The following COL22A1 variants were observed in gnomAD, a reference collection of about 807,000 sequenced individuals.
The protein encoded by COL22A1 is collagen type XXII alpha 1 chain.
In COL22A1, 221 loss-of-function variants were observed where a neutral mutation model predicts 248.9. That is an observed-to-expected ratio of 0.89 (90% CI 0.80 to 0.99). The LOEUF is 0.99. COL22A1 is among the 50% of genes least tolerant of loss of function. The pLI, the probability that COL22A1 is intolerant of heterozygous loss-of-function variation, is 0.00. For synonymous variants in COL22A1, 891 were observed against 793.4 expected, an observed-to-expected ratio of 1.12 and a Z score of -2.07; for missense variants, 2,240 against 2,179.0, an observed-to-expected ratio of 1.03 and a Z score of -0.56.
At chr8:138,840,165 C>T (rs1297057528) in intron 4 of COL22A1, among the ~76,000 whole-genome samples, 2 of 152,154 alleles carry the variant, frequency 1.3e-5, no homozygotes, top group Non-Finnish European at 2.9e-5. Context: ...TACCCAATGG[C>T]ATTTAAATTG....
intron 3 of COL22A1, among the ~76,000 whole-genome samples, chr8:138,857,412 C>G (rs182693339): frequency 2.0e-5 from 3 of 152,214 alleles, no homozygotes; most frequent in African/African-American, 7.2e-5. Context: ...AACACAGCTT[C>G]GCCTGGACAT....
chr8:138,739,456 C>T (rs1831387341), intron 22 of COL22A1, among the ~76,000 whole-genome samples: 1 of 152,194 alleles, frequency 6.6e-6, no homozygotes, highest in South Asian at 2.1e-4. Flanking sequence ...GAATAGCACT[C>T]CCTCTGTCCC....
At chr8:138,652,482 A>G (rs182902029) in intron 45 of COL22A1, among the ~76,000 whole-genome samples, 28 of 152,310 alleles carry the variant, frequency 1.8e-4, no homozygotes, top group Admixed American at 1.6e-3. Context: ...GACCGTGATC[A>G]TCAATACTAG....
intron 49 of COL22A1, among the ~76,000 whole-genome samples, 194 bp from the exon 50 acceptor site, chr8:138,630,942 G>A (rs867797368): frequency 8.5e-5 from 13 of 152,132 alleles, no homozygotes; most frequent in African/African-American, 3.1e-4. Flanking sequence ...GATCTCTCAC[G>A]AATGGTTTAG....
At chr8:138,816,753 T>C (rs2131727587) in intron 7 of COL22A1, among the ~76,000 whole-genome samples, 1 of 152,290 alleles carries the variant, frequency 6.6e-6, no homozygotes, top group Middle Eastern at 3.4e-3. Flanking sequence ...CAGTGTAGAA[T>C]GTGTAGGATG....
intron 52 of COL22A1, among the ~76,000 whole-genome samples, chr8:138,622,686 C>A (rs972201927): frequency 3.3e-5 from 5 of 152,080 alleles, no homozygotes; most frequent in African/African-American, 1.2e-4. Context: ...AAAGATAGGC[C>A]CACAACTATT....
chr8:138,650,941 T>C (rs1317487259), intron 45 of COL22A1, among the ~76,000 whole-genome samples: 1 of 152,196 alleles, frequency 6.6e-6, no homozygotes, highest in Admixed American at 6.5e-5. Flanking sequence ...GCACTAACTA[T>C]GGTCTTTTGA....
chr8:138,838,368 C>T (rs534574324), intron 4 of COL22A1, among the ~76,000 whole-genome samples: 1 of 152,200 alleles, frequency 6.6e-6, no homozygotes, highest in Admixed American at 6.5e-5. Context: ...AGCCTAAGAG[C>T]TGGTCCAGAA....
intron 56 of COL22A1, among the ~76,000 whole-genome samples, chr8:138,611,449 G>C (rs1479716994): frequency 6.6e-6 from 1 of 152,182 alleles, no homozygotes; most frequent in African/African-American, 2.4e-5. Flanking sequence ...AGGGAGCTGG[G>C]GGGGACCCAG....
chr8:138,609,940 G>T (rs1251756872), intron 56 of COL22A1, among the ~76,000 whole-genome samples: 1 of 152,132 alleles, frequency 6.6e-6, no homozygotes, highest in African/African-American at 2.4e-5. Context: ...TCCCAGGAAT[G>T]GAAACCACAG....
intron 16 of COL22A1, among the ~76,000 whole-genome samples, chr8:138,772,992 C>T (rs543627584): frequency 8.5e-5 from 13 of 152,380 alleles, no homozygotes; most frequent in South Asian, 4.1e-4. Flanking sequence ...CCCGGCGCCG[C>T]GTGTGGCCTA....
chr8:138,695,506 C>A (rs978624792), intron 32 of COL22A1, among the ~76,000 whole-genome samples: 1 of 152,062 alleles, frequency 6.6e-6, no homozygotes, highest in Admixed American at 6.5e-5. Context: ...TGGCTCCAAC[C>A]CCTTTCTAGA....
intron 41 of COL22A1, among the ~76,000 whole-genome samples, chr8:138,664,009 A>C (rs1436082531): frequency 6.6e-6 from 1 of 151,012 alleles, no homozygotes; most frequent in Admixed American, 6.6e-5. Context: ...CCTGGGCCCA[A>C]CTCTACTTTG....
intron 1 of COL22A1, among the ~76,000 whole-genome samples, chr8:138,891,688 T>C (rs1825083587): frequency 6.6e-6 from 1 of 152,094 alleles, no homozygotes; most frequent in Non-Finnish European, 1.5e-5. Flanking sequence ...CCATACTCAG[T>C]CACTCAGCAA....
At chr8:138,598,585 C>T (rs1325832009) in intron 61 of COL22A1, 134 bp downstream of exon 61, 2 of 800,312 alleles carry the variant, frequency 2.5e-6, no homozygotes, top group Non-Finnish European at 3.9e-6. Context: ...GGAAAAGTAG[C>T]CTGCCCCAGG....
intron 56 of COL22A1, among the ~76,000 whole-genome samples, chr8:138,609,730 A>G (rs1431697888): frequency 6.6e-6 from 1 of 151,804 alleles, no homozygotes; most frequent in Non-Finnish European, 1.5e-5. Flanking sequence ...GGGCCAAGAC[A>G]TTGCAGAGAG....
intron 34 of COL22A1, 63 bp downstream of exon 34, chr8:138,694,445 C>T (rs997058438): frequency 2.4e-5 from 36 of 1,518,862 alleles, no homozygotes; most frequent in Non-Finnish European, 2.8e-5. Flanking sequence ...TGGCCTGGAG[C>T]GAGAGAGTGT....
chr8:138,663,565 T>C, intron 42 of COL22A1, 140 bp downstream of exon 42: 2 of 696,050 alleles, frequency 2.9e-6, no homozygotes, highest in East Asian at 2.5e-5. Context: ...AGTTCATAGG[T>C]TGGACAGTCT....
intron 41 of COL22A1, among the ~76,000 whole-genome samples, chr8:138,669,045 C>T (rs1198785551): frequency 6.6e-6 from 1 of 152,160 alleles, no homozygotes; most frequent in Non-Finnish European, 1.5e-5. Flanking sequence ...TCCAGGAATG[C>T]CCCAGGGAAG....
Sources: allele counts gnomAD v4.1 joint callset (sites outside exome capture counted in the v4.1 genomes callset), GRCh38; gene constraint gnomAD v4.1.1; transcripts MANE v1.5; gene names NCBI Gene and HGNC (gene_info 2026-07-23, HGNC 2026-07-21).